Variants in CCDC6 observed in about 807,000 individuals in gnomAD.
CCDC6 encodes coiled-coil domain containing 6, also known as coiled-coil domain-containing protein 6.
CCDC6 carries 20 observed loss-of-function variants against 56.6 expected under a neutral mutation model. That is an observed-to-expected ratio of 0.35 (90% CI 0.25 to 0.51). CCDC6 has a LOEUF of 0.51. Ranked by LOEUF, CCDC6 falls within the 20% of genes least tolerant of loss-of-function variation. The pLI is 0.95. For missense variants in CCDC6, 367 were observed against 601.1 expected (o/e 0.61, Z 4.07); for synonymous variants, 241 against 234.4 (o/e 1.03, Z -0.26).
At chr10:59,803,561 C>A (rs865954792) in intron 7 of CCDC6, among the ~76,000 whole-genome samples, 1 of 152,194 alleles carries the variant, frequency 6.6e-6, no homozygotes, top group Admixed American at 6.5e-5. Context: ...AGATGTGATT[C>A]TTTGGCCCAT....
At position 59,900,120 on chromosome 10, in the gene CCDC6, G is replaced by A. The variant is rs2071494130; in HGVS notation, c.303+6002C>T. Among the ~76,000 whole-genome samples the A allele has an allele frequency of 2.0e-5, 3 of 152,246 alleles. No homozygotes were observed. The South Asian group carries it at 6.2e-4, about 32-fold the overall frequency. ...TCACATGCCAAGCACTGAGGAATGT[G>A]ATGAACAAGGCAAATTCTGCCCCCA... is the stretch of plus-strand genomic sequence containing the variant. On this transcript the variant is annotated intron_variant, in intron 1 of 8. Coordinates refer to ENST00000263102, the MANE Select transcript of CCDC6 (RefSeq NM_005436.5).
chr10:59,817,509 A>G (rs2070718056), intron 3 of CCDC6, among the ~76,000 whole-genome samples: 1 of 152,184 alleles, frequency 6.6e-6, no homozygotes, highest in African/African-American at 2.4e-5. Flanking sequence ...ACAAATAACT[A>G]TGAGGCATTT....
chr10:59,835,239 G>C (rs2070871847), intron 2 of CCDC6, among the ~76,000 whole-genome samples: 1 of 152,126 alleles, frequency 6.6e-6, no homozygotes, highest in African/African-American at 2.4e-5. Flanking sequence ...AAACAATAAA[G>C]GATGTAATCT....
intron 2 of CCDC6, among the ~76,000 whole-genome samples, chr10:59,844,807 A>AAAT (rs2070977216): frequency 6.6e-6 from 1 of 152,012 alleles, no homozygotes; most frequent in South Asian, 2.1e-4. Context: ...GCATATTGAA[A>AAAT]AATCCATTTT....
intron 6 of CCDC6, among the ~76,000 whole-genome samples, chr10:59,805,731 T>C (rs2070616219): frequency 6.6e-6 from 1 of 152,222 alleles, no homozygotes; most frequent in African/African-American, 2.4e-5. Context: ...TATTTCCAAA[T>C]GAAGAGGCAT....
intron 1 of CCDC6, among the ~76,000 whole-genome samples, chr10:59,905,589 G>A (rs2071537587): frequency 6.6e-6 from 1 of 152,088 alleles, no homozygotes; most frequent in African/African-American, 2.4e-5. Context: ...TCCACTTCCC[G>A]GATTCCCGGC....
chr10:59,804,478 A>T lies in CCDC6; in HGVS notation c.1047T>A (p.Thr349=). 1 of 1,613,354 alleles carries T rather than the reference A, an allele frequency of 6.2e-7. No individual in the cohort carries two copies. The highest frequency in any genetic ancestry group is 8.5e-7 in the Non-Finnish European group (1 of 1,179,316). Residue 349 remains threonine, a synonymous_variant, in exon 7 of 9, where the codon ACT becomes ACA. Coordinates refer to ENST00000263102, the MANE Select transcript of CCDC6 (RefSeq NM_005436.5). ...GTGTGTAAGGGATCGGGCTGGACAC[A>T]GTGCGAGGTCTTAATCCTTGTGCAG... ...EMSAQGLRPR[T]VSSPIPYTPS...
At position 59,824,678 on chromosome 10, in the gene CCDC6, A is replaced by AGAG. The variant is rs140235486; in HGVS notation, c.582+7844_582+7846dup. On this transcript the variant is annotated intron_variant, in intron 3 of 8. Coordinates refer to ENST00000263102, the MANE Select transcript of CCDC6 (RefSeq NM_005436.5). ...CACTTAAAAAAGAGAGGAAGAGAAA[A>AGAG]GAGGAGGAGGAGGAGGAGAAGATGA... Among the ~76,000 whole-genome samples, 450 of 152,160 alleles carry AGAG rather than the reference A, an allele frequency of 3.0e-3. 2 individuals are homozygous for AGAG. The highest frequency in any genetic ancestry group is 4.7e-3 in the Non-Finnish European group (323 of 68,014).
At chr10:59,812,324 T>C (rs1022228067) in intron 5 of CCDC6, among the ~76,000 whole-genome samples, 2 of 152,192 alleles carry the variant, frequency 1.3e-5, no homozygotes, top group South Asian at 2.1e-4. Context: ...TGCTGCAATA[T>C]TTTTGTTAGC....
chr10:59,867,256 G>A (rs2071185588), intron 1 of CCDC6, among the ~76,000 whole-genome samples: 1 of 152,096 alleles, frequency 6.6e-6, no homozygotes, highest in South Asian at 2.1e-4. Flanking sequence ...CCACCTGATG[G>A]ACCCCTTCTC....
chr10:59,860,725 C>T (rs2071120924), intron 1 of CCDC6, among the ~76,000 whole-genome samples: 1 of 152,074 alleles, frequency 6.6e-6, no homozygotes, highest in South Asian at 2.1e-4. Context: ...TATACATGAC[C>T]TAATAGAAAA....
intron 4 of CCDC6, among the ~76,000 whole-genome samples, chr10:59,814,300 A>T (rs1396798181): frequency 6.6e-6 from 1 of 152,210 alleles, no homozygotes; most frequent in Non-Finnish European, 1.5e-5. Flanking sequence ...TACCCTATGT[A>T]CTTTACAAAA....
intron 1 of CCDC6, among the ~76,000 whole-genome samples, chr10:59,892,916 C>A (rs918098683): frequency 8.6e-5 from 13 of 151,818 alleles, no homozygotes; most frequent in Non-Finnish European, 2.9e-5. Context: ...TCCCGCTGCC[C>A]AGCACCAATA....
intron 1 of CCDC6, among the ~76,000 whole-genome samples, chr10:59,905,224 T>G (rs1228473320): frequency 2.0e-5 from 3 of 152,102 alleles, no homozygotes; most frequent in African/African-American, 7.2e-5. Flanking sequence ...GGGGCCTTTC[T>G]AAACGCCTGC....
intron 1 of CCDC6, among the ~76,000 whole-genome samples, chr10:59,875,402 G>T (rs1475153629): frequency 1.3e-5 from 2 of 152,170 alleles, no homozygotes; most frequent in Admixed American, 6.5e-5. Context: ...TTTGGGAGAG[G>T]TGAAGTCTTT....
chr10:59,851,008 A>T (rs1272992164), intron 2 of CCDC6, among the ~76,000 whole-genome samples: 1 of 152,000 alleles, frequency 6.6e-6, no homozygotes, highest in East Asian at 1.9e-4. Flanking sequence ...ACGAGAGGCC[A>T]ATTACAGACT....
chr10:59,869,360 C>T (rs1321930573), intron 1 of CCDC6, among the ~76,000 whole-genome samples: 2 of 106,702 alleles, frequency 1.9e-5, no homozygotes, highest in Non-Finnish European at 3.5e-5. Flanking sequence ...CCCCTCTGTC[C>T]TAAGCAGTGA....
intron 2 of CCDC6, among the ~76,000 whole-genome samples, chr10:59,837,206 T>C (rs1400798958): frequency 6.6e-6 from 1 of 152,034 alleles, no homozygotes; most frequent in Non-Finnish European, 1.5e-5. Context: ...CAATAAATTC[T>C]TTCTAGCAGG....
chr10:59,892,063 C>A (rs546643512), intron 1 of CCDC6, among the ~76,000 whole-genome samples: 1 of 152,290 alleles, frequency 6.6e-6, no homozygotes, highest in South Asian at 2.1e-4. Flanking sequence ...CAAAGTCAGT[C>A]CATTTCAAAG....
Sources: gnomAD v4.1 joint callset for allele counts (sites outside exome capture counted in the v4.1 genomes callset) on GRCh38, gnomAD v4.1.1 for gene constraint, MANE v1.5 for transcripts, NCBI Gene and HGNC (gene_info 2026-07-23, HGNC 2026-07-21) for gene names.